TNFRSF8: variants seen among roughly 807,000 people sequenced by gnomAD.
TNFRSF8 encodes tumor necrosis factor receptor superfamily member 8.
TNFRSF8 carries 26 observed loss-of-function variants against 70.8 expected under a neutral mutation model. The ratio of observed to expected loss-of-function variants is 0.37; its 90% CI spans 0.27 to 0.51. TNFRSF8 has a LOEUF of 0.51. Ranked by LOEUF, TNFRSF8 falls within the 20% of genes least tolerant of loss-of-function variation. The probability of loss-of-function intolerance (pLI) is 0.94; values close to 1 mark genes in which losing one functional copy is unlikely to be tolerated. For synonymous variants in TNFRSF8, 356 were observed against 339.2 expected (o/e 1.05, Z -0.54); for missense variants, 720 against 807.9 (o/e 0.89, Z 1.32).
At chr1:12,086,692 C>G (rs2100971348) in intron 2 of TNFRSF8, among the ~76,000 whole-genome samples, 1 of 152,092 alleles carries the variant, frequency 6.6e-6, no homozygotes, top group African/African-American at 2.4e-5. Context: ...GCTTGAAGGT[C>G]CAAGATCAAG....
chr1:12,084,412 A>G, intron 1 of TNFRSF8, 52 bp from the exon 2 acceptor site: 1 of 1,512,418 alleles, frequency 6.6e-7, no homozygotes, highest in Non-Finnish European at 9.2e-7. Flanking sequence ...GGACAGAGGG[A>G]GTATGGATAT....
At chr1:12,096,791 A>C (rs1008798348) in intron 2 of TNFRSF8, among the ~76,000 whole-genome samples, 15 of 98,222 alleles carry the variant, frequency 1.5e-4, no homozygotes, top group African/African-American at 4.4e-4. Flanking sequence ...ATGTACCCTC[A>C]CACACACACA....
Position 12,109,326 on chromosome 1 carries a change from T to C in TNFRSF8, c.422-240T>C, listed in dbSNP as rs1298460866. On this transcript the variant is annotated intron_variant, in intron 4 of 14. Transcript: ENST00000263932. This position sits in a 1 kb window ranked among gnomAD's most constrained non-coding sequence, Gnocchi z 4.4. ...TCTCATGGCCACTCGGGAAAGGGGG[T>C]TCAGTCGGTCCCAACCCCTAACCAC... 2.0e-5 allele frequency among the ~76,000 whole-genome samples: 3 copies of C among 151,692 alleles called. No homozygotes were observed. The highest frequency in any genetic ancestry group is 2.9e-5 in the Non-Finnish European group (2 of 67,938).
At chr1:12,129,253 G>A (rs899984643) in intron 12 of TNFRSF8, among the ~76,000 whole-genome samples, 4 of 152,108 alleles carry the variant, frequency 2.6e-5, no homozygotes, top group African/African-American at 9.7e-5. Flanking sequence ...TTATAGAAAT[G>A]GTATAAGTAT....
chr1:12,081,744 G>A (rs1641066580), intron 1 of TNFRSF8, among the ~76,000 whole-genome samples: 3 of 151,982 alleles, frequency 2.0e-5, no homozygotes, highest in African/African-American at 4.8e-5. Context: ...TGAACATGCC[G>A]GAAGCTTCAC....
chr1:12,073,577 T>C (rs1640885743), intron 1 of TNFRSF8, among the ~76,000 whole-genome samples: 1 of 150,338 alleles, frequency 6.7e-6, no homozygotes, highest in African/African-American at 2.4e-5. Context: ...CTTTTCCCTT[T>C]CCCTTTTTCT....
chr1:12,079,376 C>G (rs899099967), intron 1 of TNFRSF8, among the ~76,000 whole-genome samples: 1 of 152,140 alleles, frequency 6.6e-6, no homozygotes, highest in Non-Finnish European at 1.5e-5. Flanking sequence ...CAAAAGCCCC[C>G]CCTCCAGTCC....
intron 1 of TNFRSF8, among the ~76,000 whole-genome samples, chr1:12,076,030 TCCATAAAAACA>T (rs1292419816): frequency 5.9e-5 from 9 of 151,552 alleles, no homozygotes; most frequent in Admixed American, 5.9e-4. Context: ...ATACCCTTAG[TCCATAAAAACA>T]ATGCTGCTGA....
In TNFRSF8 at chr1:12,110,166, ACTCTCCCTC is replaced by A. The variant is rs1171076162; in HGVS notation, c.643_651del (p.Pro215_Ser217del). The A allele has an allele frequency of 6.2e-7, 1 of 1,609,088 alleles. No individual in the cohort carries two copies. Among genetic ancestry groups the A allele is most frequent in the Non-Finnish European group, 8.5e-7 (1 of 1,177,612 alleles). ...GCTTCTAAACTGACGAGGGCTCCCGACTCTCCCTCCTCTGTGGGAAGGCCTAGTTCAGAT... is the reference window on the plus strand; with the variant it reads ...GCTTCTAAACTGACGAGGGCTCCCGACTCTGTGGGAAGGCCTAGTTCAGAT... On this transcript the variant is annotated inframe_deletion, in exon 6 of 15. Transcript: ENST00000263932. The surrounding 1 kb of genome is among the most constrained non-coding windows in gnomAD (Gnocchi z 4.0).
At chr1:12,125,200 C>CACT (rs990002836) in intron 10 of TNFRSF8, among the ~76,000 whole-genome samples, 15 of 152,344 alleles carry the variant, frequency 9.8e-5, no homozygotes, top group African/African-American at 3.4e-4. Context: ...AAAGTGCAAT[C>CACT]ACTAGCTCTA....
In TNFRSF8 at chr1:12,087,183, T is replaced by G. The variant is rs1335594754; in HGVS notation, c.151+2632T>G. Among the ~76,000 whole-genome samples, 3 of 147,456 alleles carry G rather than the reference T, an allele frequency of 2.0e-5. No individual in the cohort carries two copies. The East Asian group carries it at 5.8e-4, about 29-fold the overall frequency. Reference sequence around the variant, plus strand: ...TCTCTCTCTTTTTTTTTTTTTTTTTTTTGAGATAGAGTCTGTCTCTGTAGT... The same window carrying G: ...TCTCTCTCTTTTTTTTTTTTTTTTTGTTGAGATAGAGTCTGTCTCTGTAGT... On this transcript the variant is annotated intron_variant, in intron 2 of 14. Transcript: ENST00000263932.
chr1:12,102,014 C>G (rs1641432420), intron 3 of TNFRSF8, among the ~76,000 whole-genome samples: 1 of 152,130 alleles, frequency 6.6e-6, no homozygotes, highest in African/African-American at 2.4e-5. Context: ...TGTACGCCAT[C>G]CATTGTTGAC....
intron 1 of TNFRSF8, chr1:12,080,451 T>A: frequency 2.1e-5 from 11 of 526,120 alleles, no homozygotes; most frequent in South Asian, 1.5e-4. Context: ...TTGTCTTCTA[T>A]CTTCTTCATG....
chr1:12,123,672 T>C (rs1434127525), intron 9 of TNFRSF8, 43 bp from the exon 10 acceptor site: 2 of 1,490,136 alleles, frequency 1.3e-6, no homozygotes, highest in Admixed American at 4.0e-5. Flanking sequence ...CCCACTTCCC[T>C]CTTCCCATCT....
intron 1 of TNFRSF8, among the ~76,000 whole-genome samples, chr1:12,078,596 A>T (rs1309758394): frequency 6.6e-6 from 1 of 152,056 alleles, no homozygotes. Context: ...CCTCAGTCTC[A>T]TGGGGAGTGG....
chr1:12,084,618 G>A, intron 2 of TNFRSF8, 67 bp downstream of exon 2: 1 of 1,417,142 alleles, frequency 7.1e-7, no homozygotes, highest in Non-Finnish European at 9.9e-7. Flanking sequence ...CCCTCTTGGG[G>A]GATTGATGAG....
At chr1:12,078,359 T>C (rs141336443) in intron 1 of TNFRSF8, among the ~76,000 whole-genome samples, 2,394 of 151,652 alleles carry the variant, frequency 0.016, 58 homozygotes, top group African/African-American at 0.054. Flanking sequence ...AGGTCAGGAG[T>C]TCGAGACCAG....
chr1:12,093,740 CAT>C (rs1641283263), intron 2 of TNFRSF8, among the ~76,000 whole-genome samples: 1 of 152,096 alleles, frequency 6.6e-6, no homozygotes, highest in South Asian at 2.1e-4. Context: ...GAGGTTTCAC[CAT>C]GTTGGTCAGG....
intron 9 of TNFRSF8, 43 bp downstream of exon 9, chr1:12,123,420 G>T (rs866539173): frequency 6.5e-7 from 1 of 1,544,612 alleles, no homozygotes; most frequent in South Asian, 1.2e-5. Context: ...GCTGCAGGAG[G>T]GAGCTGTCCC....
Sources: allele counts gnomAD v4.1 joint callset (sites outside exome capture counted in the v4.1 genomes callset), GRCh38; gene constraint gnomAD v4.1.1; non-coding constraint Gnocchi (gnomAD v3.1); transcripts MANE v1.5; gene names NCBI Gene and HGNC (gene_info 2026-07-23, HGNC 2026-07-21).